Variants in GALNT13 observed in about 807,000 individuals in gnomAD.
GALNT13 encodes polypeptide N-acetylgalactosaminyltransferase 13, also known as UDP-GalNAc:polypeptide N-acetylgalactosaminyltransferase 13.
Under a neutral mutation model 64.2 loss-of-function variants are expected in GALNT13, and 28 were observed. The observed-to-expected ratio is 0.44, with a 90% CI of 0.32 to 0.60. GALNT13 has a LOEUF of 0.60. Ranked by LOEUF, GALNT13 falls within the 20% of genes least tolerant of loss-of-function variation. The pLI is 0.05. For synonymous variants in GALNT13, 214 were observed against 224.6 expected, an observed-to-expected ratio of 0.95 and a Z score of 0.42; for missense variants, 577 against 669.8, an observed-to-expected ratio of 0.86 and a Z score of 1.53.
chr2:154,356,752 C>A (rs1206690088), intron 9 of GALNT13, among the ~76,000 whole-genome samples: 1 of 151,902 alleles, frequency 6.6e-6, no homozygotes, highest in Admixed American at 6.6e-5. Context: ...AATTGATTTT[C>A]AATCTTCTTA....
At chr2:153,540,974 G>C in the GALNT13 span, among the ~76,000 whole-genome samples, 1 of 152,112 alleles carries the variant, frequency 6.6e-6, no homozygotes, top group South Asian at 2.1e-4. Flanking sequence ...AGACTTTGGG[G>C]GACTGTTGGA....
At chr2:153,887,425 G>T (rs1244958900) in intron 1 of GALNT13, among the ~76,000 whole-genome samples, 2 of 150,976 alleles carry the variant, frequency 1.3e-5, no homozygotes, top group Non-Finnish European at 2.9e-5. Flanking sequence ...GCAAAATTGG[G>T]CCCCAAGTGC....
chr2:153,618,268 T>C, the GALNT13 span, among the ~76,000 whole-genome samples: 429 of 152,110 alleles, frequency 2.8e-3, 9 homozygotes, highest in Admixed American at 0.023. Context: ...CTTCTTAATT[T>C]CTTCATTGAC....
At chr2:153,338,356 A>G in the GALNT13 span, among the ~76,000 whole-genome samples, 1 of 152,178 alleles carries the variant, frequency 6.6e-6, no homozygotes, top group Admixed American at 6.5e-5. Context: ...AAAATAAAAC[A>G]GTAAAATTTA....
intron 9 of GALNT13, among the ~76,000 whole-genome samples, chr2:154,371,168 A>G (rs1251702013): frequency 6.6e-6 from 1 of 152,066 alleles, no homozygotes; most frequent in East Asian, 1.9e-4. Context: ...CTAAGTGTAG[A>G]TTGAAGGCAG....
At chr2:153,657,413 G>C in the GALNT13 span, among the ~76,000 whole-genome samples, 1 of 152,068 alleles carries the variant, frequency 6.6e-6, no homozygotes, top group African/African-American at 2.4e-5. Context: ...TGTGTGACAG[G>C]CATGGTACTT....
the GALNT13 span, among the ~76,000 whole-genome samples, chr2:153,394,580 C>T: frequency 2.0e-5 from 3 of 152,102 alleles, no homozygotes; most frequent in African/African-American, 7.2e-5. Context: ...TTAGCATGAA[C>T]TCCCTTTCTT....
the GALNT13 span, among the ~76,000 whole-genome samples, chr2:153,467,895 CAG>C: frequency 1.3e-5 from 2 of 152,000 alleles, no homozygotes; most frequent in Non-Finnish European, 1.5e-5. Flanking sequence ...GCTTTGGAAT[CAG>C]TGTGGGAGTA....
chr2:153,847,765 T>C, the GALNT13 span, among the ~76,000 whole-genome samples: 3 of 152,264 alleles, frequency 2.0e-5, no homozygotes, highest in Non-Finnish European at 4.4e-5. Context: ...TCTAAGTTGG[T>C]TTCTTCCAGA....
At chr2:154,167,185 A>G (rs1414522672) in intron 4 of GALNT13, among the ~76,000 whole-genome samples, 1 of 152,188 alleles carries the variant, frequency 6.6e-6, no homozygotes, top group Non-Finnish European at 1.5e-5. Flanking sequence ...GTTAGGGCCT[A>G]TCAGGTTCCA....
At chr2:154,407,970 A>G (rs768159809) in intron 10 of GALNT13, among the ~76,000 whole-genome samples, 4 of 152,240 alleles carry the variant, frequency 2.6e-5, no homozygotes, top group Middle Eastern at 6.8e-3. Flanking sequence ...TCATTAGCCA[A>G]TGTGAGGAAA....
At chr2:153,517,403 A>G in the GALNT13 span, among the ~76,000 whole-genome samples, 1 of 152,140 alleles carries the variant, frequency 6.6e-6, no homozygotes. Flanking sequence ...AGGAGAAGTG[A>G]TTGACTTCAG....
At chr2:153,465,908 C>T in the GALNT13 span, among the ~76,000 whole-genome samples, 10 of 152,008 alleles carry the variant, frequency 6.6e-5, no homozygotes, top group Non-Finnish European at 1.5e-4. Context: ...ACTTCAGTAA[C>T]GGCCAAAATC....
At chr2:153,614,033 GTGTTT>G in the GALNT13 span, among the ~76,000 whole-genome samples, 1 of 151,808 alleles carries the variant, frequency 6.6e-6, no homozygotes, top group African/African-American at 2.4e-5. Flanking sequence ...AAAAAGAAAA[GTGTTT>G]TGTTGAGTAT....
chr2:153,724,492 A>G, the GALNT13 span, among the ~76,000 whole-genome samples: 2 of 104,010 alleles, frequency 1.9e-5, no homozygotes, highest in South Asian at 7.6e-4. Context: ...GCACAGCAAA[A>G]GAAACTACCA....
chr2:153,402,036 A>T, the GALNT13 span, among the ~76,000 whole-genome samples: 1 of 143,398 alleles, frequency 7.0e-6, no homozygotes, highest in Non-Finnish European at 1.5e-5. Flanking sequence ...TGGTCTTTAC[A>T]TTTTGGCATG....
At chr2:153,907,284 G>T (rs1214271530) in intron 2 of GALNT13, among the ~76,000 whole-genome samples, 1 of 151,344 alleles carries the variant, frequency 6.6e-6, no homozygotes, top group African/African-American at 2.4e-5. Flanking sequence ...TTTGTGCCTA[G>T]AAGTTTAATG....
chr2:154,353,428 A>G (rs964458687), intron 9 of GALNT13, among the ~76,000 whole-genome samples: 1 of 152,176 alleles, frequency 6.6e-6, no homozygotes, highest in African/African-American at 2.4e-5. Flanking sequence ...GTGTGGTGTG[A>G]CAGGAGCAGC....
chr2:153,422,402 G>A, the GALNT13 span, among the ~76,000 whole-genome samples: 22 of 152,172 alleles, frequency 1.4e-4, no homozygotes, highest in Admixed American at 1.4e-3. Context: ...GAGGGAAGAG[G>A]AAATGGAGAC....
Sources: gnomAD v4.1 joint callset for allele counts (sites outside exome capture counted in the v4.1 genomes callset) on GRCh38, gnomAD v4.1.1 for gene constraint, MANE v1.5 for transcripts, NCBI Gene and HGNC (gene_info 2026-07-23, HGNC 2026-07-21) for gene names.